The following IMPG2 variants were observed in gnomAD, a reference collection of about 807,000 sequenced individuals.
IMPG2 encodes the protein interphotoreceptor matrix proteoglycan 2.
In IMPG2, 91 loss-of-function variants were observed where a neutral mutation model predicts 129.2. The observed-to-expected ratio is 0.70, with a 90% CI of 0.59 to 0.84. The LOEUF (loss-of-function observed/expected upper bound fraction) is 0.84, where lower values mean the gene tolerates loss of function less well. IMPG2 is among the 40% of genes least tolerant of loss of function. The pLI is 0.00. For synonymous variants in IMPG2, 510 were observed against 517.7 expected, an observed-to-expected ratio of 0.99 and a Z score of 0.20; for missense variants, 1,430 against 1,461.7, an observed-to-expected ratio of 0.98 and a Z score of 0.35.
intron 2 of IMPG2, among the ~76,000 whole-genome samples, chr3:101,305,045 C>T (rs185378413): frequency 2.6e-5 from 4 of 152,110 alleles, no homozygotes; most frequent in Non-Finnish European, 4.4e-5. Context: ...AACCTGCATA[C>T]GGGTATTTAA....
chr3:101,227,063 G>C, intron 18 of IMPG2, 82 bp from the exon 19 acceptor site: 1 of 1,326,028 alleles, frequency 7.5e-7, no homozygotes, highest in Non-Finnish European at 1.1e-6. Flanking sequence ...ACATCACTAA[G>C]CTATACTCCT....
rs145890542 is a variant in IMPG2, at chr3:101,262,357, CAG to C, written c.909-4586_909-4585del. 3.1e-3 allele frequency among the ~76,000 whole-genome samples: 463 copies of C among 151,692 alleles called. 1 individual carries two copies. Among genetic ancestry groups the C allele is most frequent in the African/African-American group, 0.01 (429 of 41,460 alleles). On this transcript the variant is annotated intron_variant, in intron 9 of 18. Transcript: ENST00000193391. The stretch of plus-strand genomic sequence containing the variant: ...AACTTCATGTGCATATAAATGCTTA[CAG>C]AGAGAGAGAGAAACGGTATGTTATA...
At chr3:101,233,939 T>G (rs1424784426) in intron 14 of IMPG2, among the ~76,000 whole-genome samples, 1 of 152,116 alleles carries the variant, frequency 6.6e-6, no homozygotes, top group African/African-American at 2.4e-5. Context: ...ACATAATGTT[T>G]TGAAAAGCAA....
intron 2 of IMPG2, 136 bp from the exon 3 acceptor site, chr3:101,304,448 T>G: frequency 1.3e-6 from 1 of 759,182 alleles, no homozygotes; most frequent in South Asian, 1.5e-5. Context: ...TGATTCTCAG[T>G]CAAAGGCCTT....
At chr3:101,272,209 G>C (rs79855886) in intron 7 of IMPG2, among the ~76,000 whole-genome samples, 2,007 of 152,144 alleles carry the variant, frequency 0.013, 11 homozygotes, top group Non-Finnish European at 0.023. Context: ...GTGTCTTCCA[G>C]TAATACCCAG....
intron 10 of IMPG2, among the ~76,000 whole-genome samples, chr3:101,256,215 A>AAGAAAG (rs1352579399): frequency 2.7e-5 from 4 of 150,378 alleles, no homozygotes; most frequent in African/African-American, 9.9e-5. Flanking sequence ...GAAAGAAAGA[A>AAGAAAG]AGAAAAAAAT....
intron 2 of IMPG2, among the ~76,000 whole-genome samples, chr3:101,305,722 T>C (rs542358342): frequency 6.6e-6 from 1 of 152,268 alleles, no homozygotes; most frequent in South Asian, 2.1e-4. Flanking sequence ...TTTAAAATGA[T>C]ATTCAGGAGA....
chr3:101,256,106 GAAAGAAAGAA>G (rs1238402681), intron 10 of IMPG2, among the ~76,000 whole-genome samples: 2 of 121,526 alleles, frequency 1.6e-5, no homozygotes, highest in Admixed American at 8.8e-5. Context: ...AGGAAAGAAA[GAAAGAAAGAA>G]AAAGAAAGAG....
intron 2 of IMPG2, among the ~76,000 whole-genome samples, chr3:101,317,173 A>G (rs482055): frequency 0.72 from 109,002 of 151,800 alleles, 40,293 homozygotes; most frequent in East Asian, 0.84. Context: ...TGATGGTTTC[A>G]AGGGTAAATT....
chr3:101,313,211 T>G (rs553405698), intron 2 of IMPG2, among the ~76,000 whole-genome samples: 8 of 152,056 alleles, frequency 5.3e-5, no homozygotes, highest in African/African-American at 1.9e-4. Context: ...TTCAACTAAC[T>G]AACTTGGAAT....
chr3:101,231,126 A>C lies in IMPG2; in HGVS notation c.3253T>G (p.Trp1085Gly). 1 of 1,614,118 alleles carries C rather than the reference A, an allele frequency of 6.2e-7. No homozygotes were observed. Among genetic ancestry groups the C allele is most frequent in the Non-Finnish European group, 8.5e-7 (1 of 1,180,000 alleles). ...TCACAGTGCTTGCCTCGGTACCACCAGTTCTCACCCACCCGGCACCTGCAA... is the reference window on the plus strand; with the variant it reads ...TCACAGTGCTTGCCTCGGTACCACCCGTTCTCACCCACCCGGCACCTGCAA... ...AICRCRVGEN[W>G]WYRGKHCEEF... The change falls in exon 16 of 19, where the codon TGG (tryptophan) becomes GGG (glycine). Residue 1085 changes from tryptophan (W) to glycine (G), a missense_variant. Trp to Gly is a radical substitution (Grantham distance 184). Transcript: ENST00000193391.
At chr3:101,286,663 G>A (rs1287447568) in intron 4 of IMPG2, among the ~76,000 whole-genome samples, 1 of 152,162 alleles carries the variant, frequency 6.6e-6, no homozygotes, top group African/African-American at 2.4e-5. Flanking sequence ...GCTTCCGATG[G>A]CATGTGCTGC....
Position 101,320,347 on chromosome 3 carries a change from T to G in IMPG2, c.26A>C (p.Lys9Thr). The stretch of plus-strand genomic sequence containing the variant: ...AAATATCAAAATACCCAGAGAAATC[T>G]TCCCAAAAAGAGGAAACATAATCAT... MIMFPLFG[K>T]ISLGILIFVL... Residue 9 changes from lysine to threonine, a missense_variant, in exon 1 of 19, where the codon AAG becomes ACG. Transcript: ENST00000193391. 2 of 1,608,116 alleles carry G rather than the reference T, an allele frequency of 1.2e-6. No individual in the cohort carries two copies. The highest frequency in any genetic ancestry group is 1.7e-6 in the Non-Finnish European group (2 of 1,175,364).
At chr3:101,300,196 AGT>A (rs975711605) in intron 3 of IMPG2, among the ~76,000 whole-genome samples, 1 of 152,194 alleles carries the variant, frequency 6.6e-6, no homozygotes, top group African/African-American at 2.4e-5. Flanking sequence ...TGCCACAGCT[AGT>A]GTGTTGGACT....
At chr3:101,295,045 T>C (rs1345049655) in intron 3 of IMPG2, among the ~76,000 whole-genome samples, 1 of 152,216 alleles carries the variant, frequency 6.6e-6, no homozygotes, top group African/African-American at 2.4e-5. Context: ...TACACTCTAA[T>C]GAGAGTTTCT....
chr3:101,256,165 G>GA (rs1353556633), intron 10 of IMPG2, among the ~76,000 whole-genome samples: 2 of 123,870 alleles, frequency 1.6e-5, no homozygotes, highest in Non-Finnish European at 3.5e-5. Context: ...AAGAAAGAAA[G>GA]AAAGAAAGAA....
chr3:101,282,695 AC>A (rs1706904892), intron 4 of IMPG2, among the ~76,000 whole-genome samples: 1 of 152,182 alleles, frequency 6.6e-6, no homozygotes, highest in Admixed American at 6.5e-5. Flanking sequence ...AGATGAACAA[AC>A]AAAACCACCC....
chr3:101,234,683 T>C (rs116221123), intron 14 of IMPG2, among the ~76,000 whole-genome samples: 1 of 152,296 alleles, frequency 6.6e-6, no homozygotes, highest in Non-Finnish European at 1.5e-5. Context: ...CAGAAAATAA[T>C]CTGATCCTTA....
chr3:101,234,970 CATA>C (rs1256343988), intron 14 of IMPG2, among the ~76,000 whole-genome samples: 4 of 152,208 alleles, frequency 2.6e-5, no homozygotes, highest in African/African-American at 4.8e-5. Context: ...TTTGCCTTTA[CATA>C]ATGAGATATC....
Sources: gnomAD v4.1 joint callset for allele counts (sites outside exome capture counted in the v4.1 genomes callset) on GRCh38, gnomAD v4.1.1 for gene constraint, MANE v1.5 for transcripts, NCBI Gene and HGNC (gene_info 2026-07-23, HGNC 2026-07-21) for gene names.